The following NR2F1-AS1 variants were observed in gnomAD, a reference collection of about 807,000 sequenced individuals.
NR2F1-AS1 encodes the protein NR2F1 antisense RNA 1.
intron 4 of NR2F1-AS1, among the ~76,000 whole-genome samples, chr5:93,490,333 A>G (rs749828703): frequency 3.3e-5 from 5 of 152,238 alleles, no homozygotes; most frequent in African/African-American, 1.2e-4. Context: ...GCTATCTACT[A>G]TGTGTAAACT....
chr5:93,429,312 A>T (rs762437865), intron 4 of NR2F1-AS1, among the ~76,000 whole-genome samples: 2 of 152,212 alleles, frequency 1.3e-5, no homozygotes, highest in Non-Finnish European at 2.9e-5. Flanking sequence ...GCAAGGGATG[A>T]CTTTACATTG....
At chr5:93,432,125 C>A (rs967174771) in intron 4 of NR2F1-AS1, among the ~76,000 whole-genome samples, 1 of 152,116 alleles carries the variant, frequency 6.6e-6, no homozygotes, top group African/African-American at 2.4e-5. Context: ...TATTGCTTGT[C>A]AGAACACCTG....
intron 4 of NR2F1-AS1, among the ~76,000 whole-genome samples, chr5:93,451,704 G>A (rs1375645026): frequency 6.6e-6 from 1 of 152,116 alleles, no homozygotes; most frequent in Non-Finnish European, 1.5e-5. Context: ...CACCTGGCCT[G>A]ACTATAACAT....
At chr5:93,502,465 G>A (rs549887135) in intron 4 of NR2F1-AS1, among the ~76,000 whole-genome samples, 2 of 152,236 alleles carry the variant, frequency 1.3e-5, no homozygotes, top group East Asian at 1.9e-4. Context: ...AACATATAAC[G>A]TAGAAACTGA....
At chr5:93,445,620 T>C (rs138002506) in intron 4 of NR2F1-AS1, among the ~76,000 whole-genome samples, 6,012 of 150,742 alleles carry the variant, frequency 0.04, 205 homozygotes, top group Non-Finnish European at 0.053. Flanking sequence ...CTACCAGAGG[T>C]ACAAAGAGGA....
Position 93,466,377 on chromosome 5 carries a change from C to T in NR2F1-AS1, n.639-70835G>A, listed in dbSNP as rs1045904067. ...ACATGGTCTCGCTCTGTCACCCAGGCACTGGAGTGCAGTGGCGCACTCAAT... is the reference window on the plus strand; with the variant it reads ...ACATGGTCTCGCTCTGTCACCCAGGTACTGGAGTGCAGTGGCGCACTCAAT... On this transcript the variant is annotated intron_variant and non_coding_transcript_variant, in intron 4 of 5. Transcript: ENST00000660523. Among the ~76,000 whole-genome samples, 48 of 151,310 alleles carry T rather than the reference C, an allele frequency of 3.2e-4. 1 individual carries two copies. The highest frequency in any genetic ancestry group is 5.2e-4 in the Non-Finnish European group (35 of 67,846).
chr5:93,424,305 ATATT>A (rs942298300), intron 4 of NR2F1-AS1, among the ~76,000 whole-genome samples: 5 of 147,066 alleles, frequency 3.4e-5, no homozygotes, highest in African/African-American at 1.2e-4. Context: ...ACATTATATT[ATATT>A]TTCTAATATA....
chr5:93,558,139 G>A (rs1215450052), intron 2 of NR2F1-AS1, among the ~76,000 whole-genome samples: 1 of 151,982 alleles, frequency 6.6e-6, no homozygotes, highest in African/African-American at 2.4e-5. Context: ...CATGAGTGTT[G>A]GAATCAACTT....
At chr5:93,561,553 G>A (rs568916972) in intron 2 of NR2F1-AS1, among the ~76,000 whole-genome samples, 3 of 151,840 alleles carry the variant, frequency 2.0e-5, no homozygotes, top group African/African-American at 4.8e-5. Flanking sequence ...CGGGAGGTTC[G>A]CTTGAGCCCA....
intron 4 of NR2F1-AS1, among the ~76,000 whole-genome samples, chr5:93,434,680 C>T (rs1319477731): frequency 1.3e-5 from 2 of 151,994 alleles, no homozygotes; most frequent in African/African-American, 4.8e-5. Flanking sequence ...TGAATTTTTC[C>T]AATTGTCCCC....
At chr5:93,497,092 CTTTT>C (rs537229454) in intron 4 of NR2F1-AS1, among the ~76,000 whole-genome samples, 1 of 148,268 alleles carries the variant, frequency 6.7e-6, no homozygotes, top group Admixed American at 6.8e-5. Flanking sequence ...CAGTAAAGGC[CTTTT>C]TTTTTTCAGT....
intron 4 of NR2F1-AS1, among the ~76,000 whole-genome samples, chr5:93,533,442 T>C (rs1751774151): frequency 6.6e-6 from 1 of 152,174 alleles, no homozygotes; most frequent in African/African-American, 2.4e-5. Flanking sequence ...ACAGCACAAA[T>C]GAGTTTTCTT....
chr5:93,569,419 C>T (rs1048459857), intron 1 of NR2F1-AS1, among the ~76,000 whole-genome samples: 7 of 152,218 alleles, frequency 4.6e-5, no homozygotes, highest in South Asian at 2.1e-4. Flanking sequence ...CTGCACTACC[C>T]TGCTCCTGGG....
At chr5:93,531,157 C>T (rs1441625380) in intron 4 of NR2F1-AS1, among the ~76,000 whole-genome samples, 1 of 152,138 alleles carries the variant, frequency 6.6e-6, no homozygotes, top group Non-Finnish European at 1.5e-5. Context: ...CAGCAGTATT[C>T]ATGATATCAA....
chr5:93,556,706 C>A (rs1752363907), intron 2 of NR2F1-AS1, among the ~76,000 whole-genome samples: 1 of 152,106 alleles, frequency 6.6e-6, no homozygotes, highest in African/African-American at 2.4e-5. Context: ...CTGTAAGCCA[C>A]AAAATGTCAA....
chr5:93,412,258 C>G (rs1390822962), intron 4 of NR2F1-AS1, among the ~76,000 whole-genome samples: 2 of 152,194 alleles, frequency 1.3e-5, no homozygotes, highest in Non-Finnish European at 2.9e-5. Flanking sequence ...TTCTCCTCAG[C>G]CTGGAATAAG....
intron 4 of NR2F1-AS1, among the ~76,000 whole-genome samples, chr5:93,461,343 G>A (rs2149863490): frequency 6.6e-6 from 1 of 152,230 alleles, no homozygotes; most frequent in East Asian, 1.9e-4. Context: ...GGTGGGATAT[G>A]GGAGGAGGGA....
intron 4 of NR2F1-AS1, among the ~76,000 whole-genome samples, chr5:93,471,875 T>C (rs373147797): frequency 5.9e-5 from 9 of 151,998 alleles, no homozygotes; most frequent in African/African-American, 1.7e-4. Flanking sequence ...TGTATTTCCA[T>C]CAAAGGTGAA....
intron 4 of NR2F1-AS1, among the ~76,000 whole-genome samples, chr5:93,487,111 CT>C (rs1463063612): frequency 6.6e-6 from 1 of 152,080 alleles, no homozygotes; most frequent in Admixed American, 6.6e-5. Context: ...ATAATAAGAG[CT>C]ATTTATGACA....
Sources: gnomAD v4.1 joint callset for allele counts (sites outside exome capture counted in the v4.1 genomes callset) on GRCh38, gnomAD v4.1.1 for gene constraint, MANE v1.5 for transcripts, NCBI Gene and HGNC (gene_info 2026-07-23, HGNC 2026-07-21) for gene names.